Variants in CNIH3 observed in about 807,000 individuals in gnomAD.
CNIH3 encodes cornichon family AMPA receptor auxiliary protein 3.
CNIH3 carries 14 observed loss-of-function variants against 24.1 expected under a neutral mutation model. The ratio of observed to expected loss-of-function variants is 0.58; its 90% CI spans 0.38 to 0.91. CNIH3 has a LOEUF of 0.91. Ranked by LOEUF, CNIH3 falls within the 40% of genes least tolerant of loss-of-function variation. The probability of loss-of-function intolerance (pLI) is 0.00; values close to 1 mark genes in which losing one functional copy is unlikely to be tolerated. For missense variants in CNIH3, 178 were observed against 196.8 expected, an observed-to-expected ratio of 0.90 and a Z score of 0.57; for synonymous variants, 68 against 73.8, an observed-to-expected ratio of 0.92 and a Z score of 0.40.
intron 3 of CNIH3, among the ~76,000 whole-genome samples, chr1:224,606,690 C>T (rs972067732): frequency 4.6e-5 from 7 of 152,114 alleles, no homozygotes; most frequent in East Asian, 1.9e-4. Flanking sequence ...TGCTGGGGAC[C>T]GCCATCTTCT....
At chr1:224,524,936 T>A (rs1342735829) in intron 2 of CNIH3, among the ~76,000 whole-genome samples, 1 of 151,792 alleles carries the variant, frequency 6.6e-6, no homozygotes, top group Admixed American at 6.6e-5. Flanking sequence ...GAGAGAAGAG[T>A]TCCCTTTGCA....
intron 1 of CNIH3, among the ~76,000 whole-genome samples, chr1:224,468,162 G>GT (rs1676225429): frequency 1.3e-5 from 2 of 151,874 alleles, no homozygotes; most frequent in South Asian, 4.2e-4. Context: ...CAAAATTGTC[G>GT]TAACTATTTT....
intron 3 of CNIH3, among the ~76,000 whole-genome samples, chr1:224,555,964 C>T (rs1470330823): frequency 2.0e-5 from 3 of 152,174 alleles, no homozygotes; most frequent in Non-Finnish European, 2.9e-5. Flanking sequence ...CTGCCGCAGC[C>T]GGCTTTACTC....
intron 1 of CNIH3, among the ~76,000 whole-genome samples, chr1:224,467,951 C>T (rs1676216998): frequency 6.7e-6 from 1 of 150,022 alleles, no homozygotes. Context: ...GGCCGTCCTT[C>T]CTCTATTAAA....
chr1:224,711,794 C>CAAAAAAAAAAA (rs11437581), intron 3 of CNIH3, among the ~76,000 whole-genome samples: 1 of 65,670 alleles, frequency 1.5e-5, no homozygotes, highest in Non-Finnish European at 2.8e-5. Flanking sequence ...GACCCTGTCT[C>CAAAAAAAAAAA]AAAAAAAAAA....
rs1572593836 is a variant in CNIH3, at chr1:224,617,076, G to A, written c.-99G>A. 1.3e-6 allele frequency: 2 copies of A among 1,547,062 alleles called. No individual in the cohort carries two copies. Among genetic ancestry groups the A allele is most frequent in the African/African-American group, 2.7e-5 (2 of 72,890 alleles). Reference sequence around the variant, plus strand: ...CCTGGGCACTAGCCTGGAGAGGAGCGTGCAGACGCGGCTCCTTGGAGGGAG... The same window carrying A: ...CCTGGGCACTAGCCTGGAGAGGAGCATGCAGACGCGGCTCCTTGGAGGGAG... On this transcript the variant is annotated 5_prime_UTR_variant, in exon 1 of 6. In the 5' UTR this introduces an upstream ATG that the reference lacks. Coordinates refer to ENST00000272133, the MANE Select transcript of CNIH3 (RefSeq NM_152495.2).
intron 1 of CNIH3, among the ~76,000 whole-genome samples, chr1:224,647,728 A>G (rs1340713141): frequency 6.6e-6 from 1 of 152,132 alleles, no homozygotes; most frequent in East Asian, 1.9e-4. Flanking sequence ...CACAGGGGGA[A>G]GAGAAGGTGG....
intron 1 of CNIH3, among the ~76,000 whole-genome samples, chr1:224,677,436 G>T (rs376586541): frequency 2.6e-5 from 4 of 152,342 alleles, no homozygotes; most frequent in African/African-American, 7.2e-5. Flanking sequence ...AATGTTAGGT[G>T]AATGGATGGA....
chr1:224,632,770 A>G (rs1683889976), intron 1 of CNIH3, among the ~76,000 whole-genome samples: 2 of 151,966 alleles, frequency 1.3e-5, no homozygotes, highest in South Asian at 2.1e-4. Context: ...GTGATAAGAG[A>G]ATTGAGCCGA....
chr1:224,674,243 T>C (rs1572700830), intron 1 of CNIH3, among the ~76,000 whole-genome samples: 1 of 141,760 alleles, frequency 7.1e-6, no homozygotes, highest in East Asian at 2.2e-4. Flanking sequence ...CACATTGACA[T>C]TTCAATCGTT....
Position 224,572,794 on chromosome 1 carries a change from C to A in CNIH3, n.516+6530C>A, listed in dbSNP as rs569225113. 3.9e-5 allele frequency among the ~76,000 whole-genome samples: 6 copies of A among 152,236 alleles called. No individual in the cohort carries two copies. The South Asian group carries it at 1.2e-3, about 32-fold the overall frequency. On this transcript the variant is annotated intron_variant and non_coding_transcript_variant, in intron 4 of 5. Transcript: ENST00000471578. ...CTTTTCATTTATTTATATCTTCCAG[C>A]AATGTTTCATAGTTTTCAGTGTGCA...
chr1:224,678,208 G>A (rs917684527), intron 1 of CNIH3, among the ~76,000 whole-genome samples: 1 of 152,140 alleles, frequency 6.6e-6, no homozygotes, highest in Non-Finnish European at 1.5e-5. Flanking sequence ...CTGCTCTTAG[G>A]CCTCCAAATC....
At chr1:224,726,872 G>C (rs1359663841) in intron 3 of CNIH3, among the ~76,000 whole-genome samples, 1 of 149,744 alleles carries the variant, frequency 6.7e-6, no homozygotes, top group Non-Finnish European at 1.5e-5. Context: ...CCATTCAACA[G>C]CTTCTCTTAT....
chr1:224,464,820 G>T (rs1676086319), intron 1 of CNIH3, among the ~76,000 whole-genome samples: 1 of 152,002 alleles, frequency 6.6e-6, no homozygotes, highest in African/African-American at 2.4e-5. Context: ...TTTAAAGACA[G>T]GGTCTTGCTC....
At chr1:224,707,595 T>A (rs1193367236) in intron 3 of CNIH3, among the ~76,000 whole-genome samples, 1 of 152,164 alleles carries the variant, frequency 6.6e-6, no homozygotes. Flanking sequence ...AAGTGGTCCA[T>A]GACTTGAATA....
chr1:224,557,657 A>G (rs1680198923), intron 3 of CNIH3, among the ~76,000 whole-genome samples: 1 of 152,008 alleles, frequency 6.6e-6, no homozygotes, highest in Non-Finnish European at 1.5e-5. Context: ...GGGTTTTGCC[A>G]TGTTGGCCAG....
intron 5 of CNIH3, among the ~76,000 whole-genome samples, chr1:224,738,239 A>G (rs1689695891): frequency 6.6e-6 from 1 of 152,254 alleles, no homozygotes; most frequent in Non-Finnish European, 1.5e-5. Flanking sequence ...CACTGAGAAT[A>G]GTGTCTGGCA....
chr1:224,485,008 G>A (rs750840505), intron 1 of CNIH3, among the ~76,000 whole-genome samples: 3 of 152,048 alleles, frequency 2.0e-5, no homozygotes, highest in African/African-American at 4.8e-5. Context: ...CTGTTTCTTG[G>A]TATCTATCTT....
At chr1:224,674,727 C>T (rs1352408381) in intron 1 of CNIH3, among the ~76,000 whole-genome samples, 3 of 151,890 alleles carry the variant, frequency 2.0e-5, no homozygotes, top group Admixed American at 2.0e-4. Flanking sequence ...AACAGCTTCA[C>T]TTCTAGCGTG....
Sources: gnomAD v4.1 joint callset for allele counts (sites outside exome capture counted in the v4.1 genomes callset) on GRCh38, gnomAD v4.1.1 for gene constraint, MANE v1.5 for transcripts, NCBI Gene and HGNC (gene_info 2026-07-23, HGNC 2026-07-21) for gene names.